PIP5K1C: variants seen among roughly 807,000 people sequenced by gnomAD.
The protein encoded by PIP5K1C is phosphatidylinositol-4-phosphate 5-kinase type 1 gamma.
A neutral mutation model predicts 80.1 loss-of-function variants in PIP5K1C; 45 were observed. That is an observed-to-expected ratio of 0.56 (90% CI 0.44 to 0.72). PIP5K1C has a LOEUF of 0.72. Ranked by LOEUF, PIP5K1C falls within the 30% of genes least tolerant of loss-of-function variation. The probability of loss-of-function intolerance (pLI) is 0.00; values close to 1 mark genes in which losing one functional copy is unlikely to be tolerated. For missense variants in PIP5K1C, 753 were observed against 954.6 expected, an observed-to-expected ratio of 0.79 and a Z score of 2.78; for synonymous variants, 498 against 420.1, an observed-to-expected ratio of 1.19 and a Z score of -2.27.
At chr19:3,646,332 G>GT (rs2034212764) in intron 10 of PIP5K1C, among the ~76,000 whole-genome samples, 2 of 152,172 alleles carry the variant, frequency 1.3e-5, no homozygotes, top group Admixed American at 1.3e-4. Context: ...GCTGAATAAA[G>GT]TATTCCGGCC....
intron 16 of PIP5K1C, among the ~76,000 whole-genome samples, chr19:3,634,520 C>T (rs1232431630): frequency 6.6e-6 from 1 of 152,248 alleles, no homozygotes; most frequent in African/African-American, 2.4e-5. Flanking sequence ...GCCACGTCCA[C>T]CTGGCGGCCC....
At chr19:3,659,951 G>T (rs905689413) in intron 5 of PIP5K1C, among the ~76,000 whole-genome samples, 1 of 152,190 alleles carries the variant, frequency 6.6e-6, no homozygotes, top group East Asian at 1.9e-4. Context: ...AACGCCAACC[G>T]CACTTGTCTA....
Position 3,631,319 on chromosome 19 carries a change from G to GC in PIP5K1C, c.*1847dup, listed in dbSNP as rs1279602141. The GC allele has an allele frequency of 3.9e-5, 6 of 152,402 alleles. No individual in the cohort carries two copies. The highest frequency in any genetic ancestry group is 1.4e-4 in the African/African-American group (6 of 41,458). 9.4% of individuals were successfully genotyped at this position (152,402 alleles called of 1,614,324 possible). On this transcript the variant is annotated 3_prime_UTR_variant, in exon 18 of 18. Coordinates refer to ENST00000335312, the MANE Select transcript of PIP5K1C (RefSeq NM_012398.3). ...GGGGTTGGGCCTTTGAGATGACAAT[G>GC]CCCCTGTCCCTGCTGGCCATCCAGG... is the stretch of plus-strand genomic sequence containing the variant.
At chr19:3,674,226 C>G (rs2035292889) in intron 1 of PIP5K1C, 1 of 152,272 alleles carries the variant, frequency 6.6e-6, no homozygotes, top group Non-Finnish European at 1.5e-5. Flanking sequence ...CAGGTATGAC[C>G]TACAGAAGAA....
At position 3,688,687 on chromosome 19, in the gene PIP5K1C, A is replaced by C. The variant is rs998239794; in HGVS notation, c.94+11610T>G. ...GAGACCCGGATGAGCCCCATGGAGA[A>C]ACCCGTAGTGAGAGAAGCTTTGCTC... On this transcript the variant is annotated intron_variant, in intron 1 of 17. Coordinates refer to ENST00000335312, the MANE Select transcript of PIP5K1C (RefSeq NM_012398.3). The surrounding 1 kb of genome is among the most constrained non-coding windows in gnomAD (Gnocchi z 5.3). 1.3e-5 allele frequency among the ~76,000 whole-genome samples: 2 copies of C among 152,080 alleles called. No homozygotes were observed. Among genetic ancestry groups the C allele is most frequent in the Admixed American group, 1.3e-4 (2 of 15,270 alleles).
rs983523433 is a variant in PIP5K1C, at chr19:3,632,818, T to C, written c.*349A>G. The C allele has an allele frequency of 3.3e-6, 1 of 304,674 alleles. No individual in the cohort carries two copies. The highest frequency in any genetic ancestry group is 5.9e-5 in the South Asian group (1 of 16,884). The allele number at this position is 304,674 out of a possible 1,614,324, so 18.9% of individuals were successfully genotyped here. On this transcript the variant is annotated 3_prime_UTR_variant, in exon 18 of 18. Coordinates refer to ENST00000335312, the MANE Select transcript of PIP5K1C (RefSeq NM_012398.3). Reference sequence around the variant, plus strand: ...CACAGCAGAGAACCAAAGAGTGCAGTGGGCAGGGGCTCTTCTCCCTCTGGT... The same window carrying C: ...CACAGCAGAGAACCAAAGAGTGCAGCGGGCAGGGGCTCTTCTCCCTCTGGT...
intron 6 of PIP5K1C, among the ~76,000 whole-genome samples, chr19:3,655,242 C>T (rs983495777): frequency 1.3e-5 from 2 of 151,324 alleles, no homozygotes; most frequent in African/African-American, 4.9e-5. Context: ...CACGGTGAAA[C>T]CATGTCTCTA....
At chr19:3,689,729 C>A (rs982890498) in intron 1 of PIP5K1C, among the ~76,000 whole-genome samples, 7 of 152,094 alleles carry the variant, frequency 4.6e-5, no homozygotes, top group Non-Finnish European at 8.8e-5. Flanking sequence ...AGGTACCATG[C>A]CAGCAATCAA....
chr19:3,700,278 CGGGA>C lies in PIP5K1C; in HGVS notation c.94+15_94+18del, dbSNP rs2036256222. 8.1e-7 allele frequency: 1 copy of C among 1,232,732 alleles called. No individual in the cohort carries two copies. Among genetic ancestry groups the C allele is most frequent in the African/African-American group, 1.6e-5 (1 of 62,188 alleles). 76.4% of individuals were successfully genotyped at this position (1,232,732 alleles called of 1,614,324 possible). ...GGACGAGCCCAGCGGGCCGCAGCCC[CGGGA>C]GGCCGGGCCGTTACCTGCCGCCGCC... is the stretch of plus-strand genomic sequence containing the variant. On this transcript the variant is annotated intron_variant, in intron 1 of 17. Coordinates refer to ENST00000335312, the MANE Select transcript of PIP5K1C (RefSeq NM_012398.3).
chr19:3,691,353 G>C (rs2035944202), intron 1 of PIP5K1C, among the ~76,000 whole-genome samples: 1 of 152,158 alleles, frequency 6.6e-6, no homozygotes, highest in Admixed American at 6.5e-5. Flanking sequence ...GGGGATGACG[G>C]CCCCTTCCAG....
At chr19:3,651,213 G>A (rs1027432336) in intron 8 of PIP5K1C, among the ~76,000 whole-genome samples, 1 of 151,932 alleles carries the variant, frequency 6.6e-6, no homozygotes, top group Non-Finnish European at 1.5e-5. Context: ...GTGCCACCAC[G>A]TCCAGCTACA....
Position 3,635,011 on chromosome 19 carries a change from T to G in PIP5K1C, c.1921-1491A>C, listed in dbSNP as rs572468943. 2.0e-5 allele frequency among the ~76,000 whole-genome samples: 3 copies of G among 152,300 alleles called. No homozygotes were observed. In the East Asian group the frequency reaches 5.8e-4, roughly 29 times the overall value. On this transcript the variant is annotated intron_variant, in intron 16 of 17. Transcript: ENST00000335312. ...CAGGTCAGGTCCACCCAACGTCCCTTGAGAGCCCGGCATGGGGAGCCTATG... is the reference window on the plus strand; with the variant it reads ...CAGGTCAGGTCCACCCAACGTCCCTGGAGAGCCCGGCATGGGGAGCCTATG...
intron 1 of PIP5K1C, among the ~76,000 whole-genome samples, chr19:3,695,437 G>T (rs2036073037): frequency 1.3e-5 from 2 of 152,204 alleles, no homozygotes; most frequent in African/African-American, 4.8e-5. Flanking sequence ...TTTACCCCAT[G>T]ATTCTCCATG....
chr19:3,667,362 G>T lies in PIP5K1C; in HGVS notation c.95-9C>A, dbSNP rs757544754. The T allele has an allele frequency of 1.9e-6, 3 of 1,612,944 alleles. No individual in the cohort carries two copies. Among genetic ancestry groups the T allele is most frequent in the Non-Finnish European group, 1.7e-6 (2 of 1,179,876 alleles). On this transcript the variant is annotated splice_polypyrimidine_tract_variant and intron_variant, in intron 1 of 17. Coordinates refer to ENST00000335312, the MANE Select transcript of PIP5K1C (RefSeq NM_012398.3). Reference sequence around the variant, plus strand: ...CTTCTTCTGAGCCAAACCTGCAGAAGAGACAAGCTGGGTATCAGACAGGAA... The same window carrying T: ...CTTCTTCTGAGCCAAACCTGCAGAATAGACAAGCTGGGTATCAGACAGGAA...
At chr19:3,673,519 CA>C (rs1183480771) in intron 1 of PIP5K1C, among the ~76,000 whole-genome samples, 2 of 152,204 alleles carry the variant, frequency 1.3e-5, no homozygotes, top group Non-Finnish European at 2.9e-5. Context: ...CAGAGTAGCA[CA>C]GGGGGCCTGC....
chr19:3,656,166 C>A (rs769040837), intron 6 of PIP5K1C, among the ~76,000 whole-genome samples: 1 of 152,192 alleles, frequency 6.6e-6, no homozygotes, highest in African/African-American at 2.4e-5. Flanking sequence ...CCCACCCAGC[C>A]CTGCCCGGGG....
chr19:3,637,927 G>A lies in PIP5K1C; in HGVS notation c.1920+957C>T, dbSNP rs899044061. On this transcript the variant is annotated intron_variant, in intron 16 of 17. Transcript: ENST00000335312. The surrounding 1 kb of genome is among the most constrained non-coding windows in gnomAD (Gnocchi z 7.0). ...CCCAGGAAAAGGGGTGACGACGTGC[G>A]GTGGGTAGGGGCACAGGCACGCGGC... The A allele has an allele frequency of 7.5e-5, 115 of 1,535,154 alleles. No individual in the cohort carries two copies. Among genetic ancestry groups the A allele is most frequent in the Admixed American group, 6.9e-4 (35 of 50,974 alleles).
chr19:3,648,314 G>A lies in PIP5K1C; in HGVS notation c.1211+311C>T, dbSNP rs555666080. Among the ~76,000 whole-genome samples, 3 of 152,288 alleles carry A rather than the reference G, an allele frequency of 2.0e-5. No homozygotes were observed. Among genetic ancestry groups the A allele is most frequent in the South Asian group, 2.1e-4 (1 of 4,824 alleles). ...CTAGATTACAGGTGTGGACCACTAC[G>A]CCCAACTCACTCTAGATTTTCAAGG... On this transcript the variant is annotated intron_variant, in intron 9 of 17. Coordinates refer to ENST00000335312, the MANE Select transcript of PIP5K1C (RefSeq NM_012398.3). The surrounding 1 kb of genome is among the most constrained non-coding windows in gnomAD (Gnocchi z 4.3).
rs956630176 is a variant in PIP5K1C, at chr19:3,667,912, G to A, written c.95-559C>T. Reference sequence around the variant, plus strand: ...GGGGCGAGGGCAGGCTGGAGTTGCAGGGAGCGCCCAGCACCTGGGCAGCTG... The same window carrying A: ...GGGGCGAGGGCAGGCTGGAGTTGCAAGGAGCGCCCAGCACCTGGGCAGCTG... On this transcript the variant is annotated intron_variant, in intron 1 of 17. Transcript: ENST00000335312. Among the ~76,000 whole-genome samples the A allele has an allele frequency of 8.5e-5, 13 of 152,298 alleles. No individual in the cohort carries two copies. The East Asian group carries it at 2.3e-3, about 27-fold the overall frequency.
Sources: allele counts gnomAD v4.1 joint callset (sites outside exome capture counted in the v4.1 genomes callset), GRCh38; gene constraint gnomAD v4.1.1; non-coding constraint Gnocchi (gnomAD v3.1); transcripts MANE v1.5; gene names NCBI Gene and HGNC (gene_info 2026-07-23, HGNC 2026-07-21).